The following MFGE8 variants were observed in gnomAD, a reference collection of about 807,000 sequenced individuals.
MFGE8 encodes the protein milk fat globule EGF and factor V/VIII domain containing, also known as lactadherin.
In MFGE8, 34 loss-of-function variants were observed where a neutral mutation model predicts 42.6. The observed-to-expected ratio is 0.80, with a 90% CI of 0.61 to 1.06. MFGE8 has a LOEUF of 1.06. Among genes scored for constraint, MFGE8 ranks in the 50% least tolerant of loss-of-function variants. The pLI, the probability that MFGE8 is intolerant of heterozygous loss-of-function variation, is 0.00. For synonymous variants in MFGE8, 230 were observed against 214.8 expected (o/e 1.07, Z -0.62); for missense variants, 510 against 516.9 (o/e 0.99, Z 0.13).
rs141725148 is a variant in MFGE8, at chr15:88,908,045, C to T, written c.206-669G>A. Among the ~76,000 whole-genome samples, 614 of 152,292 alleles carry T rather than the reference C, an allele frequency of 4.0e-3. 24 individuals are homozygous for T. The South Asian group carries it at 0.095, about 23-fold the overall frequency. ...TTCTGCTTTCCCTCTTTACGCCTTC[C>T]ACCTGTGGGCCCTCACCCAGCCATC... On this transcript the variant is annotated intron_variant, in intron 2 of 7. Coordinates refer to ENST00000268150, the MANE Select transcript of MFGE8 (RefSeq NM_005928.4).
intron 1 of MFGE8, among the ~76,000 whole-genome samples, chr15:88,911,816 C>T (rs1345661399): frequency 6.6e-6 from 1 of 152,158 alleles, no homozygotes; most frequent in African/African-American, 2.4e-5. Flanking sequence ...AATCTCAAAG[C>T]CCCTTCATCC....
At chr15:88,913,156 C>A in intron 1 of MFGE8, 91 bp downstream of exon 1, 2 of 1,449,694 alleles carry the variant, frequency 1.4e-6, no homozygotes, top group South Asian at 1.4e-5. Context: ...CTAAGTTTGT[C>A]AACAGTGGAG....
intron 1 of MFGE8, 153 bp from the exon 2 acceptor site, chr15:88,910,076 C>G: frequency 1.1e-6 from 1 of 944,516 alleles, no homozygotes; most frequent in Non-Finnish European, 1.7e-6. Context: ...CTGGATGGAG[C>G]CTGAGTCCGC....
rs1406086271 is a variant in MFGE8, at chr15:88,899,077, G to A, written c.*318C>T. The A allele has an allele frequency of 4.5e-6, 2 of 440,838 alleles. No individual in the cohort carries two copies. Among genetic ancestry groups the A allele is most frequent in the South Asian group, 4.5e-5 (2 of 44,226 alleles). The allele number at this position is 440,838 out of a possible 1,614,324, so 27.3% of individuals were successfully genotyped here. A position where few individuals can be genotyped will look rare whatever the true frequency, so the allele number is the denominator to read the frequency against. On this transcript the variant is annotated 3_prime_UTR_variant, in exon 8 of 8. Transcript: ENST00000268150. This position sits in a 1 kb window ranked among gnomAD's most constrained non-coding sequence, Gnocchi z 6.8. Reference sequence around the variant, plus strand: ...AGAGACACACGCACCTGGGATCGGCGGTCCGGACAGGGGCAGGGAAACCAC... The same window carrying A: ...AGAGACACACGCACCTGGGATCGGCAGTCCGGACAGGGGCAGGGAAACCAC...
chr15:88,907,515 G>C (rs1898748444), intron 2 of MFGE8, 139 bp from the exon 3 acceptor site: 1 of 798,788 alleles, frequency 1.3e-6, no homozygotes, highest in African/African-American at 1.7e-5. Flanking sequence ...GCCTCTCTCA[G>C]AACAAAGACC....
In MFGE8 at chr15:88,901,912, C is replaced by T. The variant is rs138738058; in HGVS notation, c.686-177G>A. 5,968 of 657,116 alleles carry T rather than the reference C, an allele frequency of 9.1e-3. 323 individuals are homozygous for T. The highest frequency in any genetic ancestry group is 0.088 in the South Asian group (5,180 of 58,776). The allele number at this position is 657,116 out of a possible 1,614,324, so 40.7% of individuals were successfully genotyped here. On this transcript the variant is annotated intron_variant, in intron 5 of 7. Coordinates refer to ENST00000268150, the MANE Select transcript of MFGE8 (RefSeq NM_005928.4). ...GCCAACTGTGCGACCTTCTCACTGCCGACCCCACCACCTCCTCACCTCAAC... is the reference window on the plus strand; with the variant it reads ...GCCAACTGTGCGACCTTCTCACTGCTGACCCCACCACCTCCTCACCTCAAC...
intron 2 of MFGE8, among the ~76,000 whole-genome samples, chr15:88,909,189 C>T (rs1004124787): frequency 3.9e-5 from 6 of 152,140 alleles, no homozygotes; most frequent in African/African-American, 1.2e-4. Flanking sequence ...ATTCTGTGGC[C>T]GAGTGGATAA....
chr15:88,909,883 G>A lies in MFGE8; in HGVS notation c.114C>T (p.Cys38=), dbSNP rs560595622. The A allele has an allele frequency of 7.4e-6, 12 of 1,614,184 alleles. No individual in the cohort carries two copies. The highest frequency in any genetic ancestry group is 1.7e-5 in the Admixed American group (1 of 60,032). The change falls in exon 2 of 8, where the codon TGC becomes TGT. Residue 38 remains cysteine (C), a synonymous_variant. Transcript: ENST00000268150. ...SKNPCHNGGL[C]EEISQEVRGD... Reference sequence around the variant, plus strand: ...CTCGCACTTCTTGGGAAATCTCCTCGCATAAACCACCGTTGTGGCAGGGGT... The same window carrying A: ...CTCGCACTTCTTGGGAAATCTCCTCACATAAACCACCGTTGTGGCAGGGGT...
intron 1 of MFGE8, among the ~76,000 whole-genome samples, chr15:88,911,549 C>T (rs1475169695): frequency 3.9e-5 from 6 of 151,904 alleles, no homozygotes; most frequent in African/African-American, 9.7e-5. Flanking sequence ...GGTGAAACCC[C>T]GTCTCTACTA....
rs768858772 is a variant in MFGE8 at position 88,913,328 on chromosome 15, G to A, written c.-9C>T. ...AGGCGGGGGCGCGGCATGCTGCGGG[G>A]ACGCGGGCGCTGGAATGGGCACGCT... On this transcript the variant is annotated 5_prime_UTR_variant, in exon 1 of 8. Transcript: ENST00000268150. The A allele has an allele frequency of 2.1e-6, 3 of 1,433,814 alleles. No homozygotes were observed. Among genetic ancestry groups the A allele is most frequent in the African/African-American group, 3.0e-5 (2 of 66,832 alleles). 88.8% of individuals were successfully genotyped at this position (1,433,814 alleles called of 1,614,324 possible).
At chr15:88,911,692 A>G (rs1406205309) in intron 1 of MFGE8, among the ~76,000 whole-genome samples, 1 of 151,424 alleles carries the variant, frequency 6.6e-6, no homozygotes, top group South Asian at 2.1e-4. Context: ...GCGCCACTGC[A>G]CTCCAGCCTG....
intron 2 of MFGE8, among the ~76,000 whole-genome samples, chr15:88,909,311 G>A (rs534474218): frequency 1.3e-5 from 2 of 152,364 alleles, no homozygotes; most frequent in South Asian, 4.1e-4. Flanking sequence ...CGAGCTCTGC[G>A]ATGAGGCTGC....
In MFGE8 at chr15:88,905,586, G is replaced by A. The variant is rs1197807556; in HGVS notation, c.685+171C>T. The A allele has an allele frequency of 2.4e-6, 2 of 823,388 alleles. No homozygotes were observed. Among genetic ancestry groups the A allele is most frequent in the African/African-American group, 3.4e-5 (2 of 59,438 alleles). 51.0% of individuals were successfully genotyped at this position (823,388 alleles called of 1,614,324 possible). On this transcript the variant is annotated intron_variant, in intron 5 of 7. Coordinates refer to ENST00000268150, the MANE Select transcript of MFGE8 (RefSeq NM_005928.4). The surrounding 1 kb of genome is among the most constrained non-coding windows in gnomAD (Gnocchi z 6.6). Reference sequence around the variant, plus strand: ...TTGGCAGACAGCAAACACCTGGGTGGGGCTGCTATGGCCAGGTGACCCCCT... The same window carrying A: ...TTGGCAGACAGCAAACACCTGGGTGAGGCTGCTATGGCCAGGTGACCCCCT...
rs141997845 is a variant in MFGE8, at chr15:88,909,841, C to T, written c.156G>A (p.Ser52=). 2.5e-4 allele frequency: 402 copies of T among 1,614,230 alleles called. 1 individual carries two copies. The highest frequency in any genetic ancestry group is 2.1e-3 in the African/African-American group (156 of 75,066). Residue 52 remains serine (S), a synonymous_variant, in exon 2 of 8, where the codon TCG becomes TCA. Coordinates refer to ENST00000268150, the MANE Select transcript of MFGE8 (RefSeq NM_005928.4). Reference sequence around the variant, plus strand: ...AGCCCTTAAGGCACGTGCAGGTGTACGAGGGGAAGACATCTCCTCGCACTT... The same window carrying T: ...AGCCCTTAAGGCACGTGCAGGTGTATGAGGGGAAGACATCTCCTCGCACTT... ...SQEVRGDVFP[S]YTCTCLKGYA...
At chr15:88,910,531 AG>A (rs138470103) in intron 1 of MFGE8, 3,575 of 169,272 alleles carry the variant, frequency 0.021, 156 homozygotes, top group African/African-American at 0.081. Flanking sequence ...CAAGAAGCCA[AG>A]GGGAAAGAGG....
At chr15:88,900,610 C>T in intron 6 of MFGE8, 4 of 644,818 alleles carry the variant, frequency 6.2e-6, no homozygotes, top group Non-Finnish European at 7.7e-6. Flanking sequence ...CTGCCAGCTG[C>T]ACCTGGACAC....
In MFGE8 at chr15:88,906,607, G is replaced by C. The variant is rs763632798; in HGVS notation, c.540+19C>G. 2 of 1,613,584 alleles carry C rather than the reference G, an allele frequency of 1.2e-6. No individual in the cohort carries two copies. The highest frequency in any genetic ancestry group is 3.3e-5 in the Admixed American group (2 of 59,990). ...GGGTATGGACCACAGCCCTTCTTTC[G>C]GGCCCCAACAAGACCTACCTTGTGT... On this transcript the variant is annotated intron_variant, in intron 4 of 7. Transcript: ENST00000268150. The surrounding 1 kb of genome is among the most constrained non-coding windows in gnomAD (Gnocchi z 4.2).
Position 88,906,702 on chromosome 15 carries a change from A to G in MFGE8, c.464T>C (p.Leu155Pro). ...GCTGTAGGCCACCTTGAAGGCCTTC[A>G]GGTACTCATGACTGGCCAAGCGGCT... ...GASRLASHEY[L>P]KAFKVAYSLN... Residue 155 changes from leucine to proline, a missense_variant, in exon 4 of 8, where the codon CTG becomes CCG. Physicochemically the swap from Leu to Pro is moderately conservative, Grantham distance 98. Coordinates refer to ENST00000268150, the MANE Select transcript of MFGE8 (RefSeq NM_005928.4). This position sits in a 1 kb window ranked among gnomAD's most constrained non-coding sequence, Gnocchi z 4.2. The G allele has an allele frequency of 6.2e-7, 1 of 1,613,964 alleles. No homozygotes were observed. The highest frequency in any genetic ancestry group is 8.5e-7 in the Non-Finnish European group (1 of 1,179,938).
chr15:88,907,815 C>A (rs1421969975), intron 2 of MFGE8, among the ~76,000 whole-genome samples: 1 of 152,144 alleles, frequency 6.6e-6, no homozygotes, highest in Non-Finnish European at 1.5e-5. Context: ...GTGACCCCCT[C>A]TTCCTCAGTG....
Sources: gnomAD v4.1 joint callset for allele counts (sites outside exome capture counted in the v4.1 genomes callset) on GRCh38, gnomAD v4.1.1 for gene constraint, Gnocchi (gnomAD v3.1) non-coding constraint, MANE v1.5 for transcripts, NCBI Gene and HGNC (gene_info 2026-07-23, HGNC 2026-07-21) for gene names.